The following IRF2 variants were observed in gnomAD, a reference collection of about 807,000 sequenced individuals.
IRF2 encodes the protein interferon regulatory factor 2.
IRF2 carries 15 observed loss-of-function variants against 40.6 expected under a neutral mutation model. That is an observed-to-expected ratio of 0.37 (90% CI 0.25 to 0.57). IRF2 has a LOEUF of 0.57. Ranked by LOEUF, IRF2 falls within the 20% of genes least tolerant of loss-of-function variation. The pLI, the probability that IRF2 is intolerant of heterozygous loss-of-function variation, is 0.77. For missense variants in IRF2, 317 were observed against 455.7 expected, an observed-to-expected ratio of 0.70 and a Z score of 2.77; for synonymous variants, 151 against 165.5, an observed-to-expected ratio of 0.91 and a Z score of 0.67.
Position 184,408,929 on chromosome 4 carries a change from G to A in IRF2, c.412-654C>T, listed in dbSNP as rs1357060018. Among the ~76,000 whole-genome samples the A allele has an allele frequency of 6.6e-6, 1 of 152,150 alleles. No homozygotes were observed. The highest frequency in any genetic ancestry group is 1.5e-5 in the Non-Finnish European group (1 of 68,038). ...ATATCTCATCCAGCCCAAGAATTCT[G>A]CACGTGCACACTAATGAAATAATGA... On this transcript the variant is annotated intron_variant, in intron 5 of 8. Transcript: ENST00000393593. This position sits in a 1 kb window ranked among gnomAD's most constrained non-coding sequence, Gnocchi z 4.9.
At chr4:184,389,200 A>T in intron 8 of IRF2, 134 bp from the exon 9 acceptor site, 1 of 829,006 alleles carries the variant, frequency 1.2e-6, no homozygotes, top group Non-Finnish European at 1.9e-6. Context: ...CTGGAGGATC[A>T]CTTAACCTCA....
At chr4:184,412,753 C>T (rs571569912) in intron 5 of IRF2, among the ~76,000 whole-genome samples, 1 of 152,278 alleles carries the variant, frequency 6.6e-6, no homozygotes, top group African/African-American at 2.4e-5. Flanking sequence ...TCATTCTCTT[C>T]CTCCCTTCTC....
intron 1 of IRF2, among the ~76,000 whole-genome samples, chr4:184,442,758 C>T (rs71622960): frequency 0.047 from 7,128 of 151,794 alleles, 298 homozygotes; most frequent in African/African-American, 0.11. Context: ...TCAGGACCTC[C>T]AAGAAGTACA....
In IRF2 at chr4:184,388,058, T is replaced by C. The variant is rs189890173; in HGVS notation, c.*700A>G. ...ATAATATTTCCATGATACTTTTTCCTTTGTACCGCGTGGCATTCAAGCATA... is the reference window on the plus strand; with the variant it reads ...ATAATATTTCCATGATACTTTTTCCCTTGTACCGCGTGGCATTCAAGCATA... On this transcript the variant is annotated 3_prime_UTR_variant, in exon 9 of 9. Transcript: ENST00000393593. The surrounding 1 kb of genome is among the most constrained non-coding windows in gnomAD (Gnocchi z 4.6). 6.5e-6 allele frequency: 1 copy of C among 152,672 alleles called. No homozygotes were observed. Among genetic ancestry groups the C allele is most frequent in the Non-Finnish European group, 1.5e-5 (1 of 68,052 alleles). 9.5% of individuals were successfully genotyped at this position (152,672 alleles called of 1,614,324 possible). A position where few individuals can be genotyped will look rare whatever the true frequency, so the allele number is the denominator to read the frequency against.
At chr4:184,421,745 A>G (rs546460465) in intron 2 of IRF2, among the ~76,000 whole-genome samples, 15 of 152,260 alleles carry the variant, frequency 9.9e-5, no homozygotes, top group East Asian at 9.6e-4. Flanking sequence ...ACACACACAC[A>G]ACCAAACCTA....
At chr4:184,402,069 G>A (rs1294976325) in intron 6 of IRF2, among the ~76,000 whole-genome samples, 1 of 152,208 alleles carries the variant, frequency 6.6e-6, no homozygotes, top group Non-Finnish European at 1.5e-5. Flanking sequence ...AGGGCTAGAA[G>A]GAGCAGCGGA....
chr4:184,457,667 C>G (rs974839118), intron 1 of IRF2, among the ~76,000 whole-genome samples: 3 of 152,116 alleles, frequency 2.0e-5, no homozygotes, highest in East Asian at 1.9e-4. Context: ...ACAGGCCTGG[C>G]TATTATCAAA....
intron 6 of IRF2, among the ~76,000 whole-genome samples, chr4:184,401,746 G>A (rs563829765): frequency 6.6e-6 from 1 of 152,344 alleles, no homozygotes; most frequent in African/African-American, 2.4e-5. Context: ...GGGTGTGAGA[G>A]TTTGAGGAGG....
At chr4:184,460,777 G>T (rs1210623738) in intron 1 of IRF2, among the ~76,000 whole-genome samples, 1 of 152,026 alleles carries the variant, frequency 6.6e-6, no homozygotes, top group East Asian at 1.9e-4. Context: ...CCCCTTCAAG[G>T]CAATGTCTTC....
rs201848919 is a variant in IRF2, at chr4:184,398,971, G to A, written c.638C>T (p.Pro213Leu). ...VEVTTESDEQ[P>L]VSMSELYPLQ... ...AGGGTAGAGCTCGCTCATGCTGACC[G>A]GCTGCTCGTCGCTCTCAGTGGTCAC... Residue 213 changes from proline to leucine, a missense_variant, in exon 7 of 9, where the codon CCG (proline) becomes CTG (leucine). By Grantham distance (98) the Pro-to-Leu change is moderately conservative. Around this residue, in one of 2 missense-constraint regions of IRF2, gnomAD observed 262 missense variants for 334.0 expected, o/e 0.78. Transcript: ENST00000393593. The A allele has an allele frequency of 4.4e-5, 71 of 1,612,944 alleles. No homozygotes were observed. The East Asian group carries it at 1.3e-3, about 29-fold the overall frequency.
At chr4:184,409,442 G>A (rs17075800) in intron 5 of IRF2, among the ~76,000 whole-genome samples, 7,042 of 152,116 alleles carry the variant, frequency 0.046, 195 homozygotes, top group East Asian at 0.088. Flanking sequence ...TGTATAGCTC[G>A]GTTTTTAAAC....
intron 5 of IRF2, among the ~76,000 whole-genome samples, chr4:184,416,098 G>A (rs1041723672): frequency 6.6e-6 from 1 of 152,112 alleles, no homozygotes; most frequent in Admixed American, 6.5e-5. Flanking sequence ...ATTACTTGAG[G>A]CCAGGAGTTT....
intron 7 of IRF2, among the ~76,000 whole-genome samples, chr4:184,398,611 A>G (rs1198996970): frequency 6.6e-6 from 1 of 151,650 alleles, no homozygotes; most frequent in Non-Finnish European, 1.5e-5. Context: ...AGCCGAGATC[A>G]TCCCACTGCA....
At chr4:184,444,306 A>G (rs1738423662) in intron 1 of IRF2, among the ~76,000 whole-genome samples, 1 of 152,204 alleles carries the variant, frequency 6.6e-6, no homozygotes, top group African/African-American at 2.4e-5. Flanking sequence ...GCTGGTCACC[A>G]TCTCCACAAC....
At chr4:184,431,143 G>A (rs1396518851) in intron 1 of IRF2, among the ~76,000 whole-genome samples, 9 of 152,226 alleles carry the variant, frequency 5.9e-5, no homozygotes. Context: ...CACTCATATG[G>A]AGGCTCCAGC....
At chr4:184,462,704 C>T (rs1739188143) in intron 1 of IRF2, among the ~76,000 whole-genome samples, 1 of 152,134 alleles carries the variant, frequency 6.6e-6, no homozygotes, top group South Asian at 2.1e-4. Context: ...GGTCTGGATA[C>T]AAAGGAGAAA....
chr4:184,453,261 G>A (rs1388711257), intron 1 of IRF2, among the ~76,000 whole-genome samples: 2 of 152,174 alleles, frequency 1.3e-5, no homozygotes, highest in East Asian at 1.9e-4. Flanking sequence ...TAAAAGGGTA[G>A]ACTGACTTTT....
rs371605655 is a variant in IRF2, at chr4:184,408,873, G to T, written c.412-598C>A. ...TCCAGCCGGGCAACCCCACACCATG[G>T]GCTTTACATAAATGCCCTTCAGGTG... On this transcript the variant is annotated intron_variant, in intron 5 of 8. Transcript: ENST00000393593. The surrounding 1 kb of genome is among the most constrained non-coding windows in gnomAD (Gnocchi z 4.9). Among the ~76,000 whole-genome samples the T allele has an allele frequency of 7.2e-5, 11 of 152,306 alleles. No individual in the cohort carries two copies. The East Asian group carries it at 1.9e-3, about 27-fold the overall frequency.
At position 184,464,738 on chromosome 4, in the gene IRF2, G is replaced by T. The variant is rs767282410; in HGVS notation, c.-7+9641C>A. Among the ~76,000 whole-genome samples the T allele has an allele frequency of 2.8e-4, 42 of 152,162 alleles. 1 individual carries two copies. Among genetic ancestry groups the T allele is most frequent in the Non-Finnish European group, 5.9e-5 (4 of 68,032 alleles). On this transcript the variant is annotated intron_variant, in intron 1 of 8. Coordinates refer to ENST00000393593, the MANE Select transcript of IRF2 (RefSeq NM_002199.4). Reference sequence around the variant, plus strand: ...CAAAAAGCATGAAAAACAGACCTTGGAGACATCCCCAGGTTACAAGTGTCT... The same window carrying T: ...CAAAAAGCATGAAAAACAGACCTTGTAGACATCCCCAGGTTACAAGTGTCT...
Sources: allele counts gnomAD v4.1 joint callset (sites outside exome capture counted in the v4.1 genomes callset), GRCh38; gene constraint gnomAD v4.1.1; regional missense constraint gnomAD v4.1.1; non-coding constraint Gnocchi (gnomAD v3.1); transcripts MANE v1.5; gene names NCBI Gene and HGNC (gene_info 2026-07-23, HGNC 2026-07-21).